HS6ST2: variants seen among roughly 807,000 people sequenced by gnomAD.
HS6ST2 encodes the protein heparan-sulfate 6-O-sulfotransferase 2.
A neutral mutation model predicts 33.0 loss-of-function variants in HS6ST2; 17 were observed. The observed-to-expected ratio is 0.52, with a 90% confidence interval of 0.35 to 0.77. The LOEUF is 0.77. Among genes scored for constraint, HS6ST2 ranks in the 30% least tolerant of loss-of-function variants. The probability of loss-of-function intolerance (pLI) is 0.01; values close to 1 mark genes in which losing one functional copy is unlikely to be tolerated. For missense variants in HS6ST2, 519 were observed against 551.7 expected, an observed-to-expected ratio of 0.94 and a Z score of 0.59; for synonymous variants, 248 against 237.1, an observed-to-expected ratio of 1.05 and a Z score of -0.42.
In HS6ST2 at chrX:132,930,231, G is replaced by A. The variant is rs184462674; in HGVS notation, c.947+26577C>T. Among the ~76,000 whole-genome samples, 8 of 110,936 alleles carry A rather than the reference G, an allele frequency of 7.2e-5. No homozygotes were observed. The Admixed American group carries it at 7.7e-4, about 11-fold the overall frequency. ...GGCTAGAGTGCATTGGCATGATCTC[G>A]GCTCACTGCAACCTCCACCTTCCAG... On this transcript the variant is annotated intron_variant, in intron 2 of 4. Transcript: ENST00000370833.
At chrX:132,820,531 G>A (rs756042340) in intron 2 of HS6ST2, among the ~76,000 whole-genome samples, 1 of 111,626 alleles carries the variant, frequency 9.0e-6, no homozygotes, top group South Asian at 3.8e-4. Context: ...CCCATGCAAC[G>A]TGTGAGAAAG....
intron 3 of HS6ST2, among the ~76,000 whole-genome samples, chrX:132,686,107 T>C (rs1429379436): frequency 8.9e-6 from 1 of 112,096 alleles, no homozygotes; most frequent in Non-Finnish European, 1.9e-5. Flanking sequence ...TTTTAGCTCC[T>C]CTCAGCATGT....
intron 2 of HS6ST2, among the ~76,000 whole-genome samples, chrX:132,727,099 A>C (rs1420690183): frequency 9.0e-6 from 1 of 110,921 alleles, no homozygotes; most frequent in Non-Finnish European, 1.9e-5. Flanking sequence ...TATGGAACTT[A>C]AGTTTACTTT....
Position 132,637,863 on chromosome X carries a change from T to A in HS6ST2, c.1068-8770A>T, listed in dbSNP as rs5977727. ...TATTTTATATATAATATATATATAATATATTATATATAATATATATATAAT... is the reference window on the plus strand; with the variant it reads ...TATTTTATATATAATATATATATAAAATATTATATATAATATATATATAAT... On this transcript the variant is annotated intron_variant, in intron 4 of 4. Coordinates refer to ENST00000370833, the MANE Select transcript of HS6ST2 (RefSeq NM_001394073.1). Among the ~76,000 whole-genome samples, 181 of 35,208 alleles carry A rather than the reference T, an allele frequency of 5.1e-3. 6 individuals are homozygous for A. The Admixed American group carries it at 0.057, about 11-fold the overall frequency. The allele number at this position is 35,208 out of a possible 115,157, so 30.6% of individuals were successfully genotyped here. A position where few individuals can be genotyped will look rare whatever the true frequency, so the allele number is the denominator to read the frequency against.
intron 2 of HS6ST2, among the ~76,000 whole-genome samples, chrX:132,877,764 T>C (rs901235436): frequency 5.4e-5 from 6 of 111,100 alleles, no homozygotes; most frequent in African/African-American, 1.3e-4. Context: ...TAGCAGCTCA[T>C]TGAACCCTAC....
At chrX:132,708,007 T>C (rs910344179) in intron 3 of HS6ST2, among the ~76,000 whole-genome samples, 2 of 111,588 alleles carry the variant, frequency 1.8e-5, no homozygotes, top group African/African-American at 6.5e-5. Flanking sequence ...TATTTTCAAA[T>C]AATTGATTTC....
chrX:132,632,641 C>T (rs1446677080), intron 4 of HS6ST2, among the ~76,000 whole-genome samples: 2 of 109,720 alleles, frequency 1.8e-5, no homozygotes, highest in Non-Finnish European at 3.8e-5. Context: ...CATGGAAACC[C>T]GGGGAAAGTG....
intron 2 of HS6ST2, among the ~76,000 whole-genome samples, chrX:132,891,474 T>C (rs1021048060): frequency 6.4e-5 from 7 of 108,905 alleles, no homozygotes; most frequent in African/African-American, 2.3e-4. Flanking sequence ...CATGCTGGTG[T>C]GCTGCACCCA....
intron 2 of HS6ST2, among the ~76,000 whole-genome samples, chrX:132,808,504 G>T (rs2065307569): frequency 9.0e-6 from 1 of 111,261 alleles, no homozygotes; most frequent in African/African-American, 3.3e-5. Flanking sequence ...CCTAGCACTT[G>T]GAAAATCTAA....
intron 2 of HS6ST2, chrX:132,735,175 T>C (rs916948677): frequency 1.6e-4 from 18 of 112,258 alleles, no homozygotes; most frequent in Non-Finnish European, 1.5e-4. Flanking sequence ...TAATGAAGTC[T>C]TGTCAATATT....
chrX:132,827,974 G>T (rs1392511163), intron 2 of HS6ST2, among the ~76,000 whole-genome samples: 1 of 111,688 alleles, frequency 9.0e-6, no homozygotes, highest in Non-Finnish European at 1.9e-5. Flanking sequence ...CTCAGCAAGG[G>T]AGTATTTACT....
At chrX:132,662,332 T>G (rs2063780360) in intron 4 of HS6ST2, among the ~76,000 whole-genome samples, 1 of 111,620 alleles carries the variant, frequency 9.0e-6, no homozygotes, top group African/African-American at 3.3e-5. Context: ...AGCATACTGT[T>G]TAACATCACT....
intron 2 of HS6ST2, among the ~76,000 whole-genome samples, chrX:132,779,845 G>C (rs763502559): frequency 9.0e-6 from 1 of 111,006 alleles, no homozygotes; most frequent in Admixed American, 9.5e-5. Context: ...AGGAAACTGA[G>C]ACTCAGAGAG....
intron 3 of HS6ST2, among the ~76,000 whole-genome samples, chrX:132,691,240 G>T: frequency 8.9e-6 from 1 of 111,845 alleles, no homozygotes; most frequent in Non-Finnish European, 1.9e-5. Flanking sequence ...AAATGGAAAG[G>T]TTTGGGCAGA....
chrX:132,899,088 T>C (rs1017911347), intron 2 of HS6ST2, among the ~76,000 whole-genome samples: 1 of 111,623 alleles, frequency 9.0e-6, no homozygotes, highest in Non-Finnish European at 1.9e-5. Flanking sequence ...AAAGGCTACG[T>C]TGATACTACC....
chrX:132,951,683 T>A (rs2067017975), intron 2 of HS6ST2, among the ~76,000 whole-genome samples: 1 of 111,764 alleles, frequency 8.9e-6, no homozygotes, highest in Admixed American at 9.5e-5. Flanking sequence ...TGAAGATGGT[T>A]ATCTTGGCTT....
intron 3 of HS6ST2, among the ~76,000 whole-genome samples, chrX:132,706,846 T>C (rs1241595832): frequency 8.9e-6 from 1 of 112,135 alleles, no homozygotes; most frequent in Non-Finnish European, 1.9e-5. Flanking sequence ...ATAGTTTTCA[T>C]ACATCATTCA....
At chrX:132,859,265 A>C (rs975911879) in intron 2 of HS6ST2, among the ~76,000 whole-genome samples, 5 of 111,928 alleles carry the variant, frequency 4.5e-5, no homozygotes, top group Non-Finnish European at 7.5e-5. Context: ...GCCACAGCAG[A>C]ACTACAGTGC....
Position 132,874,640 on chromosome X carries a change from G to A in HS6ST2, c.947+82168C>T, listed in dbSNP as rs757306479. On this transcript the variant is annotated intron_variant, in intron 2 of 4. Transcript: ENST00000370833. ...GGGCACAAGAGAAGCCAAAGAGGTC[G>A]GTCATGATAGAGACCTCCACACAAC... 6.3e-5 allele frequency among the ~76,000 whole-genome samples: 7 copies of A among 111,716 alleles called. 1 individual carries two copies. In the South Asian group the frequency reaches 2.7e-3, roughly 43 times the overall value.
Sources: gnomAD v4.1 joint callset for allele counts (sites outside exome capture counted in the v4.1 genomes callset) on GRCh38, gnomAD v4.1.1 for gene constraint, MANE v1.5 for transcripts, NCBI Gene and HGNC (gene_info 2026-07-23, HGNC 2026-07-21) for gene names.